The following ABTB2 variants were observed in gnomAD, a reference collection of about 807,000 sequenced individuals.
ABTB2 encodes ankyrin repeat and BTB domain containing 2.
Under a neutral mutation model 104.1 loss-of-function variants are expected in ABTB2, and 56 were observed. The ratio of observed to expected loss-of-function variants is 0.54; its 90% confidence interval spans 0.43 to 0.67. The LOEUF is 0.67. Ranked by LOEUF, ABTB2 falls within the 30% of genes least tolerant of loss-of-function variation. ABTB2 has a pLI of 0.00. For synonymous variants in ABTB2, 606 were observed against 608.2 expected, an observed-to-expected ratio of 1.00 and a Z score of 0.05; for missense variants, 1,279 against 1,407.7, an observed-to-expected ratio of 0.91 and a Z score of 1.46.
chr11:34,205,861 C>T (rs920250020), intron 1 of ABTB2, among the ~76,000 whole-genome samples: 7 of 152,256 alleles, frequency 4.6e-5, no homozygotes, highest in Admixed American at 2.0e-4. Flanking sequence ...TACTTAGACT[C>T]TACATCAGTT....
intron 1 of ABTB2, among the ~76,000 whole-genome samples, chr11:34,239,327 ATGC>A (rs2133062134): frequency 6.6e-6 from 1 of 152,204 alleles, no homozygotes; most frequent in East Asian, 1.9e-4. Flanking sequence ...GGCTTCATTG[ATGC>A]TGCTGTCTTT....
At chr11:34,354,432 T>A (rs897755736) in intron 1 of ABTB2, among the ~76,000 whole-genome samples, 4 of 127,034 alleles carry the variant, frequency 3.1e-5, no homozygotes, top group Non-Finnish European at 4.6e-5. Context: ...GAAACCAGCC[T>A]GGGCAACATA....
chr11:34,298,337 C>T (rs776426750), intron 1 of ABTB2, among the ~76,000 whole-genome samples: 1 of 151,400 alleles, frequency 6.6e-6, no homozygotes, highest in African/African-American at 2.4e-5. Context: ...AAAACTAAGG[C>T]CTTAATTTCT....
Position 34,162,712 on chromosome 11 carries a change from A to G in ABTB2, c.2082T>C (p.Ser694=), listed in dbSNP as rs1852740040. Residue 694 remains serine (S), a synonymous_variant, in exon 10 of 17, where the codon AGT becomes AGC. Coordinates refer to ENST00000435224, the MANE Select transcript of ABTB2 (RefSeq NM_145804.3). ...EEILAEGVEE[S]DASSQGSGSE... ...TGCCACTGCCCTGGCTCGACGCATC[A>G]CTTTCCTCCACACCCTCGGCCAGGA... 5 of 1,612,318 alleles carry G rather than the reference A, an allele frequency of 3.1e-6. No individual in the cohort carries two copies. In the South Asian group the frequency reaches 5.5e-5, roughly 18 times the overall value.
intron 1 of ABTB2, among the ~76,000 whole-genome samples, chr11:34,247,426 A>C (rs1261145686): frequency 1.3e-5 from 2 of 152,278 alleles, no homozygotes; most frequent in African/African-American, 2.4e-5. Context: ...AATAAGTTAC[A>C]TGAGATATTC....
intron 1 of ABTB2, chr11:34,335,436 C>T: frequency 1.3e-6 from 1 of 787,434 alleles, no homozygotes; most frequent in Non-Finnish European, 2.2e-6. Flanking sequence ...TACTTCTTCA[C>T]TCTAAACAGT....
chr11:34,356,769 T>C lies in ABTB2; in HGVS notation c.815A>G (p.Asn272Ser), dbSNP rs751654977. 5 of 1,611,624 alleles carry C rather than the reference T, an allele frequency of 3.1e-6. No homozygotes were observed. The highest frequency in any genetic ancestry group is 3.4e-6 in the Non-Finnish European group (4 of 1,179,018). ...GACGCCCCAGAGCTCGGCGTCGTTG[T>C]TGATGACCATCTCCAGGGCCTCAGC... ...VSAEALEMVI[N>S]NDAELWGVLQ... Residue 272 changes from asparagine to serine, a missense_variant, in exon 1 of 17, where the codon AAC becomes AGC. Coordinates refer to ENST00000435224, the MANE Select transcript of ABTB2 (RefSeq NM_145804.3). The surrounding 1 kb of genome is among the most constrained non-coding windows in gnomAD (Gnocchi z 4.6).
chr11:34,279,670 G>A (rs917444620), intron 1 of ABTB2, among the ~76,000 whole-genome samples: 1 of 151,980 alleles, frequency 6.6e-6, no homozygotes, highest in African/African-American at 2.4e-5. Flanking sequence ...GAAATCAGAT[G>A]TTAAGACAAA....
At chr11:34,315,620 C>T (rs933164728) in intron 1 of ABTB2, among the ~76,000 whole-genome samples, 9 of 152,168 alleles carry the variant, frequency 5.9e-5, no homozygotes, top group Admixed American at 5.2e-4. Flanking sequence ...TCCCCTGCCC[C>T]AATCATAGCT....
In ABTB2 at chr11:34,214,532, CTT is replaced by C. The variant is rs5790978; in HGVS notation, c.884-9844_884-9843del. ...GAAAAAGTGAATGTTAAAAATACCA[CTT>C]TTTTTTTTTTTTTTTTTTTTTTAAA... is the stretch of plus-strand genomic sequence containing the variant. On this transcript the variant is annotated intron_variant, in intron 1 of 16. Coordinates refer to ENST00000435224, the MANE Select transcript of ABTB2 (RefSeq NM_145804.3). Among the ~76,000 whole-genome samples, 1,154 of 123,122 alleles carry C rather than the reference CTT, an allele frequency of 9.4e-3. 14 individuals carry two copies. The highest frequency in any genetic ancestry group is 0.029 in the African/African-American group (1,010 of 34,720). The allele number at this position is 123,122 out of a possible 152,430, so 80.8% of individuals were successfully genotyped here.
At chr11:34,303,302 C>G (rs189366248) in intron 1 of ABTB2, among the ~76,000 whole-genome samples, 1 of 152,356 alleles carries the variant, frequency 6.6e-6, no homozygotes, top group East Asian at 1.9e-4. Context: ...TGGACCACTC[C>G]ATCGCACAGC....
chr11:34,160,176 G>A (rs1852688994), intron 12 of ABTB2, 72 bp downstream of exon 12: 3 of 1,415,782 alleles, frequency 2.1e-6, no homozygotes, highest in African/African-American at 2.8e-5. Context: ...AGATGACAAA[G>A]TGGGGAGGAA....
At chr11:34,270,850 C>G (rs906600126) in intron 1 of ABTB2, among the ~76,000 whole-genome samples, 1 of 152,172 alleles carries the variant, frequency 6.6e-6, no homozygotes, top group Non-Finnish European at 1.5e-5. Context: ...GGGTTTTCTT[C>G]GTTTTTTTAA....
intron 1 of ABTB2, among the ~76,000 whole-genome samples, chr11:34,251,624 G>A (rs1169274141): frequency 6.6e-6 from 1 of 152,170 alleles, no homozygotes; most frequent in Non-Finnish European, 1.5e-5. Context: ...CTCATTATCT[G>A]ACGTGCATTT....
intron 1 of ABTB2, among the ~76,000 whole-genome samples, chr11:34,266,009 T>C (rs901847609): frequency 1.3e-5 from 2 of 152,130 alleles, no homozygotes; most frequent in Non-Finnish European, 2.9e-5. Context: ...TCCAAGCAGA[T>C]CTGCCTGAGT....
intron 1 of ABTB2, among the ~76,000 whole-genome samples, chr11:34,269,115 T>C (rs1001491441): frequency 6.6e-6 from 1 of 152,144 alleles, no homozygotes; most frequent in African/African-American, 2.4e-5. Context: ...ACCAGGCCCC[T>C]GGGGTAGTGA....
At chr11:34,203,880 C>T (rs140765089) in intron 2 of ABTB2, among the ~76,000 whole-genome samples, 6 of 152,220 alleles carry the variant, frequency 3.9e-5, no homozygotes, top group East Asian at 3.9e-4. Flanking sequence ...CTCAACAGAG[C>T]GAGGGGGAAT....
At chr11:34,306,982 T>TAAA (rs61161318) in intron 1 of ABTB2, among the ~76,000 whole-genome samples, 1,090 of 94,402 alleles carry the variant, frequency 0.012, 16 homozygotes, top group African/African-American at 0.031. Flanking sequence ...TCAGGAAACT[T>TAAA]AAAAAAAAAA....
intron 1 of ABTB2, among the ~76,000 whole-genome samples, chr11:34,218,302 C>A (rs769282192): frequency 6.6e-6 from 1 of 152,168 alleles, no homozygotes; most frequent in Non-Finnish European, 1.5e-5. Context: ...TGATAAAGTG[C>A]AGCTGATTGA....
Sources: allele counts gnomAD v4.1 joint callset (sites outside exome capture counted in the v4.1 genomes callset), GRCh38; gene constraint gnomAD v4.1.1; non-coding constraint Gnocchi (gnomAD v3.1); transcripts MANE v1.5; gene names NCBI Gene and HGNC (gene_info 2026-07-23, HGNC 2026-07-21).